RXFP1: variants seen among roughly 807,000 people sequenced by gnomAD.
RXFP1 encodes the protein relaxin receptor 1.
A neutral mutation model predicts 89.8 loss-of-function variants in RXFP1; 73 were observed. That is an observed-to-expected ratio of 0.81 (90% CI 0.67 to 0.99). RXFP1 has a LOEUF of 0.99. Among genes scored for constraint, RXFP1 ranks in the 50% least tolerant of loss-of-function variants. The probability of loss-of-function intolerance (pLI) is 0.00; values close to 1 mark genes in which losing one functional copy is unlikely to be tolerated. For synonymous variants in RXFP1, 277 were observed against 305.5 expected (o/e 0.91, Z 0.97); for missense variants, 793 against 895.5 (o/e 0.89, Z 1.46).
intron 1 of RXFP1, chr4:158,544,347 T>C (rs1350812637): frequency 1.5e-5 from 15 of 985,162 alleles, no homozygotes; most frequent in Non-Finnish European, 1.8e-5. Context: ...ATCTCATCCT[T>C]GCACTGAAGG....
At chr4:158,577,653 G>A (rs1756523144) in intron 2 of RXFP1, among the ~76,000 whole-genome samples, 1 of 151,752 alleles carries the variant, frequency 6.6e-6, no homozygotes, top group South Asian at 2.1e-4. Flanking sequence ...TTTAAACCTT[G>A]ACACTAATAA....
In RXFP1 at chr4:158,644,902, A is replaced by T; in HGVS notation, c.1116-7A>T. ...AAATCTTATTTTACTTTCTCTTTGTACACCAGATATTTTAAGAAATTCCAG... is the reference window on the plus strand; with the variant it reads ...AAATCTTATTTTACTTTCTCTTTGTTCACCAGATATTTTAAGAAATTCCAG... On this transcript the variant is annotated splice_region_variant and splice_polypyrimidine_tract_variant and intron_variant, in intron 14 of 17. Coordinates refer to ENST00000307765, the MANE Select transcript of RXFP1 (RefSeq NM_021634.4). 1.3e-6 allele frequency: 2 copies of T among 1,587,030 alleles called. No homozygotes were observed. Among genetic ancestry groups the T allele is most frequent in the Non-Finnish European group, 1.7e-6 (2 of 1,156,218 alleles).
intron 15 of RXFP1, chr4:158,646,535 A>G: frequency 8.5e-6 from 11 of 1,297,562 alleles, no homozygotes; most frequent in Non-Finnish European, 9.8e-6. Flanking sequence ...CTGTGCTGTT[A>G]GAGACTTGCA....
rs764882800 is a variant in RXFP1, at chr4:158,593,507, A to T, written c.286+8A>T. ...CAGAAACACCTGAATGTTGTAAGTAATCAGAGCAGTTATTTTCTTTTCCAT... is the reference window on the plus strand; with the variant it reads ...CAGAAACACCTGAATGTTGTAAGTATTCAGAGCAGTTATTTTCTTTTCCAT... On this transcript the variant is annotated splice_region_variant and intron_variant, in intron 3 of 17. Coordinates refer to ENST00000307765, the MANE Select transcript of RXFP1 (RefSeq NM_021634.4). 1.3e-6 allele frequency: 2 copies of T among 1,519,592 alleles called. No homozygotes were observed. Among genetic ancestry groups the T allele is most frequent in the South Asian group, 1.2e-5 (1 of 86,530 alleles). The allele number at this position is 1,519,592 out of a possible 1,614,324, so 94.1% of individuals were successfully genotyped here.
intron 1 of RXFP1, among the ~76,000 whole-genome samples, chr4:158,538,438 A>T (rs1745785920): frequency 6.6e-6 from 1 of 152,200 alleles, no homozygotes; most frequent in African/African-American, 2.4e-5. Context: ...GGCTGAGAAA[A>T]GAATTCTTTA....
At chr4:158,599,874 G>A (rs1202786011) in intron 4 of RXFP1, among the ~76,000 whole-genome samples, 1 of 152,110 alleles carries the variant, frequency 6.6e-6, no homozygotes, top group African/African-American at 2.4e-5. Flanking sequence ...AATTGGATAA[G>A]ATATTCCTCC....
intron 1 of RXFP1, among the ~76,000 whole-genome samples, chr4:158,560,136 A>G (rs866401566): frequency 6.6e-6 from 1 of 152,206 alleles, no homozygotes; most frequent in Non-Finnish European, 1.5e-5. Context: ...AGACCATCCT[A>G]TTACACTGAG....
At chr4:158,586,891 T>C (rs1324725422) in intron 2 of RXFP1, among the ~76,000 whole-genome samples, 1 of 142,314 alleles carries the variant, frequency 7.0e-6, no homozygotes, top group Non-Finnish European at 1.5e-5. Flanking sequence ...CTATTAATGG[T>C]AAAAAAAAAA....
chr4:158,587,934 G>A (rs1758616662), intron 2 of RXFP1, among the ~76,000 whole-genome samples: 1 of 152,116 alleles, frequency 6.6e-6, no homozygotes, highest in Non-Finnish European at 1.5e-5. Context: ...GTGAATGAAA[G>A]TCTCTCAAAG....
chr4:158,602,377 T>G (rs1257121089), intron 4 of RXFP1, among the ~76,000 whole-genome samples: 1 of 152,200 alleles, frequency 6.6e-6, no homozygotes, highest in Non-Finnish European at 1.5e-5. Flanking sequence ...TCTTGGGTTC[T>G]CTCGTAGAAC....
chr4:158,568,223 A>G (rs564394756), intron 1 of RXFP1, among the ~76,000 whole-genome samples: 21 of 152,310 alleles, frequency 1.4e-4, no homozygotes, highest in African/African-American at 4.8e-4. Flanking sequence ...TTAACACTCA[A>G]CGCGAGGGTC....
At chr4:158,610,776 C>T in intron 6 of RXFP1, 1 of 1,158,362 alleles carries the variant, frequency 8.6e-7, no homozygotes, top group Non-Finnish European at 1.1e-6. Context: ...TCATTTCTTA[C>T]CCCTTACTGT....
intron 1 of RXFP1, among the ~76,000 whole-genome samples, chr4:158,543,132 GCACACACTC>G (rs1747255040): frequency 6.6e-6 from 1 of 152,008 alleles, no homozygotes; most frequent in Non-Finnish European, 1.5e-5. Flanking sequence ...ACACACACCT[GCACACACTC>G]CAGAAGTAAG....
chr4:158,614,908 A>G (rs1764256120), intron 8 of RXFP1, among the ~76,000 whole-genome samples: 1 of 152,160 alleles, frequency 6.6e-6, no homozygotes, highest in Non-Finnish European at 1.5e-5. Flanking sequence ...CGAGCAGTAT[A>G]TCTTGAAAGA....
At chr4:158,622,681 CAG>C (rs1399816040) in intron 9 of RXFP1, among the ~76,000 whole-genome samples, 1 of 152,080 alleles carries the variant, frequency 6.6e-6, no homozygotes, top group East Asian at 1.9e-4. Context: ...CACATAGAAA[CAG>C]AGTAGAATCG....
chr4:158,586,750 G>T (rs1758377324), intron 2 of RXFP1, among the ~76,000 whole-genome samples: 4 of 152,240 alleles, frequency 2.6e-5, no homozygotes. Context: ...CTTTGGAAAG[G>T]CAGAAAGAAA....
intron 1 of RXFP1, among the ~76,000 whole-genome samples, chr4:158,528,395 ACTC>A (rs1743138673): frequency 6.6e-6 from 1 of 152,072 alleles, no homozygotes; most frequent in Non-Finnish European, 1.5e-5. Context: ...AGTTCCAGCT[ACTC>A]GGGAAGCTGA....
At chr4:158,630,176 C>T (rs1401383786) in intron 11 of RXFP1, among the ~76,000 whole-genome samples, 4 of 152,072 alleles carry the variant, frequency 2.6e-5, no homozygotes, top group African/African-American at 9.7e-5. Flanking sequence ...TGCATTCTGC[C>T]CCAAAACATC....
chr4:158,579,527 G>A (rs1049933397), intron 2 of RXFP1, among the ~76,000 whole-genome samples: 1 of 152,214 alleles, frequency 6.6e-6, no homozygotes, highest in Admixed American at 6.5e-5. Context: ...GCCTCCCAAA[G>A]TGCTGGGATT....
Sources: gnomAD v4.1 joint callset for allele counts (sites outside exome capture counted in the v4.1 genomes callset) on GRCh38, gnomAD v4.1.1 for gene constraint, MANE v1.5 for transcripts, NCBI Gene and HGNC (gene_info 2026-07-23, HGNC 2026-07-21) for gene names.